VDAC1: variants seen among roughly 807,000 people sequenced by gnomAD.
VDAC1 encodes non-selective voltage-gated ion channel VDAC1.
Under a neutral mutation model 34.7 loss-of-function variants are expected in VDAC1, and 10 were observed. The ratio of observed to expected loss-of-function variants is 0.29; its 90% CI spans 0.18 to 0.49. The LOEUF (loss-of-function observed/expected upper bound fraction) is 0.49. Ranked by LOEUF, VDAC1 falls within the 20% of genes least tolerant of loss-of-function variation. The probability of loss-of-function intolerance (pLI) is 0.99; values close to 1 mark genes in which losing one functional copy is unlikely to be tolerated. For missense variants in VDAC1, 230 were observed against 347.9 expected (o/e 0.66, Z 2.69); for synonymous variants, 130 against 136.0 (o/e 0.96, Z 0.30).
the VDAC1 span, among the ~76,000 whole-genome samples, chr5:134,034,046 C>T: frequency 6.6e-6 from 1 of 151,688 alleles, no homozygotes; most frequent in Non-Finnish European, 1.5e-5. Flanking sequence ...GAACCAGCCA[C>T]GTGAAAAAGG....
the VDAC1 span, among the ~76,000 whole-genome samples, chr5:134,050,552 T>C: frequency 6.6e-6 from 1 of 152,212 alleles, no homozygotes; most frequent in African/African-American, 2.4e-5. Flanking sequence ...GATGTCTTCC[T>C]AAATTACAGG....
At chr5:134,066,072 T>C in the VDAC1 span, among the ~76,000 whole-genome samples, 143,318 of 152,184 alleles carry the variant, frequency 0.94, 67,562 homozygotes, top group East Asian at 1. Context: ...GGATTACAGG[T>C]GTGAGCCACC....
the VDAC1 span, among the ~76,000 whole-genome samples, chr5:134,038,805 G>A: frequency 2.2e-4 from 34 of 152,116 alleles, no homozygotes; most frequent in African/African-American, 8.2e-4. Flanking sequence ...AAAACCAGGA[G>A]AGAAAGTCAG....
At chr5:134,025,372 CAT>C in the VDAC1 span, among the ~76,000 whole-genome samples, 1 of 152,170 alleles carries the variant, frequency 6.6e-6, no homozygotes, top group East Asian at 1.9e-4. Context: ...GGTTCACCCC[CAT>C]GAGTCAAACA....
the VDAC1 span, among the ~76,000 whole-genome samples, chr5:134,036,333 C>T: frequency 2.0e-5 from 3 of 152,140 alleles, no homozygotes; most frequent in Admixed American, 6.5e-5. Context: ...TGCTAAAATG[C>T]ATAACTTCAG....
intron 1 of VDAC1, among the ~76,000 whole-genome samples, chr5:133,996,999 C>G (rs1479673562): frequency 2.0e-5 from 3 of 152,160 alleles, no homozygotes; most frequent in Admixed American, 2.0e-4. Flanking sequence ...GACCTCAATA[C>G]CATGCATGGA....
chr5:133,981,111 T>C, intron 5 of VDAC1, 155 bp from the exon 6 acceptor site: 1 of 629,356 alleles, frequency 1.6e-6, no homozygotes. Context: ...TGTACCACAA[T>C]GAGCAGGACA....
the VDAC1 span, among the ~76,000 whole-genome samples, chr5:134,052,447 C>A: frequency 1.3e-5 from 2 of 152,036 alleles, no homozygotes; most frequent in Admixed American, 6.6e-5. Flanking sequence ...TCCCATGCTA[C>A]CACGCCTGGC....
the VDAC1 span, among the ~76,000 whole-genome samples, chr5:134,104,274 C>G: frequency 7.2e-5 from 11 of 152,206 alleles, no homozygotes; most frequent in African/African-American, 2.7e-4. Flanking sequence ...TTTTCCCAGG[C>G]CACTACAAGC....
At chr5:134,051,904 G>C in the VDAC1 span, among the ~76,000 whole-genome samples, 1 of 151,832 alleles carries the variant, frequency 6.6e-6, no homozygotes, top group Non-Finnish European at 1.5e-5. Context: ...CACCATGTTG[G>C]CCAGGCTGGT....
At chr5:134,081,380 T>C in the VDAC1 span, among the ~76,000 whole-genome samples, 1 of 152,154 alleles carries the variant, frequency 6.6e-6, no homozygotes, top group African/African-American at 2.4e-5. Flanking sequence ...GGTTTCACCA[T>C]GTTGCCCAGG....
chr5:134,046,840 C>T, the VDAC1 span, among the ~76,000 whole-genome samples: 5 of 152,340 alleles, frequency 3.3e-5, no homozygotes, highest in Admixed American at 3.3e-4. Flanking sequence ...GTGACCTTGG[C>T]CATGTGGCTT....
At chr5:134,093,572 T>C in the VDAC1 span, among the ~76,000 whole-genome samples, 339 of 152,356 alleles carry the variant, frequency 2.2e-3, no homozygotes, top group African/African-American at 7.7e-3. Context: ...ATTTCCTGGC[T>C]GGCTGGTGAT....
intron 8 of VDAC1, 92 bp from the exon 9 acceptor site, chr5:133,972,954 G>C (rs1752354042): frequency 9.2e-7 from 1 of 1,090,254 alleles, no homozygotes; most frequent in African/African-American, 1.6e-5. Context: ...ACCTGTTCCA[G>C]GTATTATCAG....
At chr5:134,012,730 G>GA in the VDAC1 span, among the ~76,000 whole-genome samples, 1,437 of 151,210 alleles carry the variant, frequency 9.5e-3, 7 homozygotes, top group African/African-American at 0.019. Context: ...CACAGAATTA[G>GA]AAAAAAAACT....
the VDAC1 span, among the ~76,000 whole-genome samples, chr5:134,105,969 C>G: frequency 6.6e-6 from 1 of 152,220 alleles, no homozygotes; most frequent in Admixed American, 6.5e-5. Flanking sequence ...GGGAAGGGGC[C>G]CTTCTTGGCC....
chr5:134,027,826 A>T, the VDAC1 span, among the ~76,000 whole-genome samples: 1 of 137,380 alleles, frequency 7.3e-6, no homozygotes, highest in Non-Finnish European at 1.5e-5. Context: ...GCTGGAGTGC[A>T]GTGGTGTGAT....
At chr5:134,101,799 C>T in the VDAC1 span, among the ~76,000 whole-genome samples, 1 of 152,198 alleles carries the variant, frequency 6.6e-6, no homozygotes, top group African/African-American at 2.4e-5. Context: ...ACAGCTGTCA[C>T]CAACACTGAT....
chr5:133,994,652 C>T lies in VDAC1; in HGVS notation c.-6-1634G>A, dbSNP rs574385983. 3.3e-5 allele frequency among the ~76,000 whole-genome samples: 5 copies of T among 152,274 alleles called. No homozygotes were observed. The South Asian group carries it at 1.0e-3, about 32-fold the overall frequency. On this transcript the variant is annotated intron_variant, in intron 1 of 8. Coordinates refer to ENST00000265333, the MANE Select transcript of VDAC1 (RefSeq NM_003374.3). ...CCAGAACCTCAAGAAATACCCTTTACCTGACACCTTCCTAGGAGAACAACT... is the reference window on the plus strand; with the variant it reads ...CCAGAACCTCAAGAAATACCCTTTATCTGACACCTTCCTAGGAGAACAACT...
Sources: allele counts gnomAD v4.1 joint callset (sites outside exome capture counted in the v4.1 genomes callset), GRCh38; gene constraint gnomAD v4.1.1; transcripts MANE v1.5; gene names NCBI Gene and HGNC (gene_info 2026-07-23, HGNC 2026-07-21).